SHISA9: variants seen among roughly 807,000 people sequenced by gnomAD.
The protein encoded by SHISA9 is shisa family member 9.
Under a neutral mutation model 38.0 loss-of-function variants are expected in SHISA9, and 13 were observed. That is an observed-to-expected ratio of 0.34 (90% CI 0.22 to 0.54). SHISA9 has a LOEUF of 0.54. SHISA9 is among the 20% of genes least tolerant of loss of function. The probability of loss-of-function intolerance (pLI) is 0.91; values close to 1 mark genes in which losing one functional copy is unlikely to be tolerated. For synonymous variants in SHISA9, 275 were observed against 242.0 expected, an observed-to-expected ratio of 1.14 and a Z score of -1.27; for missense variants, 538 against 575.8, an observed-to-expected ratio of 0.93 and a Z score of 0.67.
chr16:13,338,976 AT>A, the SHISA9 span, among the ~76,000 whole-genome samples: 1 of 152,114 alleles, frequency 6.6e-6, no homozygotes, highest in Non-Finnish European at 1.5e-5. Context: ...GGTACATGGA[AT>A]TTCAGGGAGG....
At chr16:13,080,329 C>T (rs914575124) in intron 2 of SHISA9, among the ~76,000 whole-genome samples, 6 of 152,126 alleles carry the variant, frequency 3.9e-5, no homozygotes, top group South Asian at 4.1e-4. Flanking sequence ...GCCTAGATTG[C>T]GCCACTGCAC....
chr16:12,965,683 C>G (rs1456051680), intron 2 of SHISA9, among the ~76,000 whole-genome samples: 1 of 152,144 alleles, frequency 6.6e-6, no homozygotes, highest in South Asian at 2.1e-4. Flanking sequence ...CCTCCCACAT[C>G]GTGGCAGCCA....
chr16:13,007,947 A>G (rs1353060711), intron 2 of SHISA9, among the ~76,000 whole-genome samples: 3 of 152,038 alleles, frequency 2.0e-5, no homozygotes, highest in Non-Finnish European at 4.4e-5. Context: ...AGCAGACACT[A>G]TTGGTGCTCT....
chr16:12,978,003 AAAAAG>A (rs1386972216), intron 2 of SHISA9, among the ~76,000 whole-genome samples: 1 of 152,148 alleles, frequency 6.6e-6, no homozygotes, highest in African/African-American at 2.4e-5. Flanking sequence ...AGCATAAGAA[AAAAAG>A]AATGAGAAGT....
intron 1 of SHISA9, chr16:12,911,276 C>G: frequency 1.0e-6 from 1 of 985,404 alleles, no homozygotes; most frequent in Non-Finnish European, 1.2e-6. Flanking sequence ...GAGAAGCACT[C>G]AAACTATGTG....
the SHISA9 span, among the ~76,000 whole-genome samples, chr16:13,491,817 C>CTTTTTTT: frequency 6.4e-5 from 3 of 46,892 alleles, no homozygotes; most frequent in African/African-American, 1.9e-4. Context: ...TATTTATTGA[C>CTTTTTTT]CTTTTTTTTT....
downstream of SHISA9, among the ~76,000 whole-genome samples, chr16:13,242,726 C>G (rs1487680145): frequency 6.6e-6 from 1 of 152,168 alleles, no homozygotes; most frequent in Admixed American, 6.5e-5. Context: ...ATCTTCAACC[C>G]TGCTCTCTGA....
the SHISA9 span, among the ~76,000 whole-genome samples, chr16:13,500,180 A>G: frequency 3.3e-5 from 5 of 152,216 alleles, no homozygotes; most frequent in South Asian, 1.0e-3. Flanking sequence ...ACAAGAGCTG[A>G]TGGTTTTACA....
chr16:13,509,872 G>T, the SHISA9 span, among the ~76,000 whole-genome samples: 1 of 152,176 alleles, frequency 6.6e-6, no homozygotes, highest in Non-Finnish European at 1.5e-5. Flanking sequence ...TTACCCATGT[G>T]ATTTAGGGCA....
chr16:13,241,136 G>T (rs2051432109), downstream of SHISA9, among the ~76,000 whole-genome samples: 1 of 152,176 alleles, frequency 6.6e-6, no homozygotes, highest in Non-Finnish European at 1.5e-5. Flanking sequence ...ATCAGACATT[G>T]TTTCCAAATT....
intron 2 of SHISA9, among the ~76,000 whole-genome samples, chr16:13,019,763 CT>C (rs1321724546): frequency 5.8e-5 from 8 of 138,672 alleles, no homozygotes; most frequent in Non-Finnish European, 8.0e-5. Flanking sequence ...TCTTTTCTTT[CT>C]TTTCTTTCTT....
chr16:13,541,448 C>A, the SHISA9 span, among the ~76,000 whole-genome samples: 1 of 152,186 alleles, frequency 6.6e-6, no homozygotes. Context: ...TAACAGTTTA[C>A]AAAGTTTTGT....
At chr16:12,930,205 T>A (rs977937140) in intron 2 of SHISA9, among the ~76,000 whole-genome samples, 5 of 152,190 alleles carry the variant, frequency 3.3e-5, no homozygotes, top group Admixed American at 1.3e-4. Context: ...TCTATAAAAA[T>A]TTTTCAGATG....
At chr16:13,288,477 C>T in the SHISA9 span, among the ~76,000 whole-genome samples, 2 of 151,592 alleles carry the variant, frequency 1.3e-5, no homozygotes, top group Non-Finnish European at 2.9e-5. Flanking sequence ...GAGAGAGAGA[C>T]AAAGAGAGAC....
intron 2 of SHISA9, among the ~76,000 whole-genome samples, chr16:12,945,483 A>T (rs796165779): frequency 3.3e-5 from 5 of 152,340 alleles, no homozygotes; most frequent in African/African-American, 1.2e-4. Flanking sequence ...CTCCTTGAAG[A>T]AAATGTGAAA....
At chr16:13,217,508 C>G (rs1488178765) in intron 4 of SHISA9, among the ~76,000 whole-genome samples, 4 of 152,190 alleles carry the variant, frequency 2.6e-5, no homozygotes. Context: ...CTAGAATCAG[C>G]CTGCGTCCCC....
the SHISA9 span, among the ~76,000 whole-genome samples, chr16:13,389,889 G>T: frequency 1.1e-4 from 17 of 152,316 alleles, no homozygotes; most frequent in African/African-American, 4.1e-4. Flanking sequence ...GCACTCTTGC[G>T]TAGGATGGGT....
At chr16:13,469,364 AAAAAGAAAGAAAGAAAG>A in the SHISA9 span, among the ~76,000 whole-genome samples, 1 of 58,580 alleles carries the variant, frequency 1.7e-5, no homozygotes, top group Non-Finnish European at 3.5e-5. Flanking sequence ...GAAAGAAAAG[AAAAAGAAAGAAAGAAAG>A]AAAGAAAGAA....
chr16:13,460,950 T>C, the SHISA9 span, among the ~76,000 whole-genome samples: 1 of 152,354 alleles, frequency 6.6e-6, no homozygotes, highest in South Asian at 2.1e-4. Context: ...TTGTCCTTCA[T>C]CGCTCCTTGT....
Sources: gnomAD v4.1 joint callset for allele counts (sites outside exome capture counted in the v4.1 genomes callset) on GRCh38, gnomAD v4.1.1 for gene constraint, MANE v1.5 for transcripts, NCBI Gene and HGNC (gene_info 2026-07-23, HGNC 2026-07-21) for gene names.